The following ARHGEF1 variants were observed in gnomAD, a reference collection of about 807,000 sequenced individuals.
ARHGEF1 encodes Rho guanine nucleotide exchange factor 1.
ARHGEF1 carries 40 observed loss-of-function variants against 119.7 expected under a neutral mutation model. That is an observed-to-expected ratio of 0.33 (90% confidence interval 0.26 to 0.44). ARHGEF1 has a LOEUF of 0.44. Among genes scored for constraint, ARHGEF1 ranks in the 20% least tolerant of loss-of-function variants. The pLI is 1.00. For synonymous variants in ARHGEF1, 494 were observed against 521.0 expected (o/e 0.95, Z 0.71); for missense variants, 976 against 1,268.3 (o/e 0.77, Z 3.50).
Position 41,896,828 on chromosome 19 carries a change from C to CCCTCCTCTCT in ARHGEF1, c.1121+347_1121+348insCTCCTCTCTC. ...CCTCCCCTCTCCTCTCTCACCTCCC[C>CCCTCCTCTCT]CATCCTCTCTCACCTCCCCCCTCCT... On this transcript the variant is annotated intron_variant, in intron 13 of 28. Transcript: ENST00000354532. 6.7e-5 allele frequency: 24 copies of CCCTCCTCTCT among 357,170 alleles called. 1 individual carries two copies. Among genetic ancestry groups the CCCTCCTCTCT allele is most frequent in the African/African-American group, 5.3e-4 (14 of 26,406 alleles). The allele number at this position is 357,170 out of a possible 1,614,324, so 22.1% of individuals were successfully genotyped here. A position where few individuals can be genotyped will look rare whatever the true frequency, so the allele number is the denominator to read the frequency against.
chr19:41,923,251 C>A (rs996153610), intron 1 of ARHGEF1: 3 of 449,020 alleles, frequency 6.7e-6, no homozygotes, highest in African/African-American at 6.0e-5. Context: ...TGACTCTAGG[C>A]CCCCGATATT....
intron 1 of ARHGEF1, among the ~76,000 whole-genome samples, chr19:41,886,986 T>C (rs1409549163): frequency 1.3e-5 from 2 of 151,904 alleles, no homozygotes; most frequent in Admixed American, 1.3e-4. Context: ...AAGTGGAGAC[T>C]CAAGGAGAGA....
At chr19:41,920,126 C>CAG (rs1555852321), upstream of ARHGEF1, among the ~76,000 whole-genome samples, 1 of 108,262 alleles carries the variant, frequency 9.2e-6, no homozygotes. Flanking sequence ...GACACGCTCA[C>CAG]ACATGCGCTC....
chr19:41,926,151 G>A (rs1318809985), intron 1 of ARHGEF1, among the ~76,000 whole-genome samples: 2 of 152,032 alleles, frequency 1.3e-5, no homozygotes, highest in African/African-American at 4.8e-5. Flanking sequence ...AAAATGCAGG[G>A]ATTCCAGTGG....
chr19:41,899,905 C>T (rs1446686169), intron 14 of ARHGEF1, among the ~76,000 whole-genome samples: 3 of 145,772 alleles, frequency 2.1e-5, no homozygotes, highest in Admixed American at 1.3e-4. Context: ...GTCACAGATC[C>T]TTCTAAGGAC....
chr19:41,893,202 G>A (rs202168122), intron 7 of ARHGEF1, 72 bp from the exon 8 acceptor site: 1 of 1,598,352 alleles, frequency 6.3e-7, no homozygotes, highest in Non-Finnish European at 8.6e-7. Flanking sequence ...CAGCAACCCT[G>A]AGATGTATCC....
intron 18 of ARHGEF1, among the ~76,000 whole-genome samples, chr19:41,914,817 C>CATCTCT (rs1568832338): frequency 4.4e-5 from 1 of 22,972 alleles, no homozygotes; most frequent in Non-Finnish European, 1.0e-4. Flanking sequence ...CCCCCTCCAC[C>CATCTCT]GTGTCTCCCC....
intron 12 of ARHGEF1, 30 bp downstream of exon 12, chr19:41,895,516 A>G (rs1555847407): frequency 6.4e-7 from 1 of 1,563,728 alleles, no homozygotes. Flanking sequence ...GGGCTCCATG[A>G]GGCCCGGCGA....
rs782619183 is a variant in ARHGEF1, at chr19:41,906,689, C to G, written c.2656-14C>G. The G allele has an allele frequency of 1.2e-6, 2 of 1,605,584 alleles. No homozygotes were observed. Among genetic ancestry groups the G allele is most frequent in the South Asian group, 1.1e-5 (1 of 90,292 alleles). On this transcript the variant is annotated splice_polypyrimidine_tract_variant and intron_variant, in intron 27 of 28. Coordinates refer to ENST00000354532, the MANE Select transcript of ARHGEF1 (RefSeq NM_004706.4). The surrounding 1 kb of genome is among the most constrained non-coding windows in gnomAD (Gnocchi z 4.5). ...GGAAGGGGCCCCCCTCATCCATGACCCCCACCCCACCAGGAGTTGGAGGAG... is the reference window on the plus strand; with the variant it reads ...GGAAGGGGCCCCCCTCATCCATGACGCCCACCCCACCAGGAGTTGGAGGAG...
In ARHGEF1 at chr19:41,894,554, C is replaced by T. The variant is rs782132873; in HGVS notation, c.841+7C>T. 9.3e-6 allele frequency: 15 copies of T among 1,613,332 alleles called. No individual in the cohort carries two copies. The highest frequency in any genetic ancestry group is 5.0e-5 in the Admixed American group (3 of 59,960). Reference sequence around the variant, plus strand: ...AACCGGGGAGAGCCCCAGGGTAAGGCGGCTCTGGCCTCTGCCCTCCCCTGT... The same window carrying T: ...AACCGGGGAGAGCCCCAGGGTAAGGTGGCTCTGGCCTCTGCCCTCCCCTGT... On this transcript the variant is annotated splice_region_variant and intron_variant, in intron 10 of 28. Transcript: ENST00000354532.
In ARHGEF1 at chr19:41,893,813, AGGGGGCTGGGGGCCTGG is replaced by A. The variant is rs1555846825; in HGVS notation, c.645-393_645-377del. ...TCTGGACTCCTGGGTCTGAGGGAGGAGGGGGCTGGGGGCCTGGACTCCTGGGTCTGAGGGAGGAAGGG... is the reference window on the plus strand; with the variant it reads ...TCTGGACTCCTGGGTCTGAGGGAGGAACTCCTGGGTCTGAGGGAGGAAGGG... On this transcript the variant is annotated intron_variant, in intron 8 of 28. Transcript: ENST00000354532. 1.0e-2 allele frequency among the ~76,000 whole-genome samples: 364 copies of A among 36,418 alleles called. 91 individuals carry two copies. In the African/African-American group the frequency reaches 0.14, roughly 14 times the overall value. The allele number at this position is 36,418 out of a possible 152,430, so 23.9% of individuals were successfully genotyped here. A position where few individuals can be genotyped will look rare whatever the true frequency, so the allele number is the denominator to read the frequency against.
rs1160648673 is a variant in ARHGEF1 at position 41,928,487 on chromosome 19, GCTCCTCCTC to G, written c.141-337_141-329del. ...TTCTCCTCTTCCTCCTCTTCCTCCT[GCTCCTCCTC>G]CTCCTCGTTCTCCTCCTCCTCCCTC... On this transcript the variant is annotated intron_variant, in intron 1 of 2. Coordinates refer to the ARHGEF1 transcript ENST00000594417. 14 of 155,070 alleles carry G rather than the reference GCTCCTCCTC, an allele frequency of 9.0e-5. 1 individual carries two copies. Among genetic ancestry groups the G allele is most frequent in the Non-Finnish European group, 2.0e-4 (14 of 70,304 alleles). The allele number at this position is 155,070 out of a possible 1,614,324, so 9.6% of individuals were successfully genotyped here.
intron 1 of ARHGEF1, among the ~76,000 whole-genome samples, chr19:41,885,755 T>C (rs1450833911): frequency 1.3e-5 from 2 of 150,720 alleles, no homozygotes; most frequent in African/African-American, 4.9e-5. Flanking sequence ...CCACCGTGCC[T>C]AGCCTATTTT....
rs1419041347 is a variant in ARHGEF1 at position 41,928,957 on chromosome 19, GATACACGGAC to G, written c.269_278del (p.Tyr91GlufsTer78). ...CCGCACACACGCAGCCTGGATAGGA[GATACACGGAC>G]AGAGGGACATATGGATACAGTAAGA... On this transcript the variant is annotated frameshift_variant, in exon 2 of 3. Transcript: ENST00000594417. LOFTEE classifies it high-confidence loss of function. 2.2e-6 allele frequency: 1 copy of G among 455,704 alleles called. No homozygotes were observed. The highest frequency in any genetic ancestry group is 4.4e-6 in the Non-Finnish European group (1 of 226,512). 28.2% of individuals were successfully genotyped at this position (455,704 alleles called of 1,614,324 possible). A position where few individuals can be genotyped will look rare whatever the true frequency, so the allele number is the denominator to read the frequency against.
At chr19:41,887,222 G>A (rs2074307146) in intron 1 of ARHGEF1, among the ~76,000 whole-genome samples, 1 of 152,072 alleles carries the variant, frequency 6.6e-6, no homozygotes, top group South Asian at 2.1e-4. Context: ...AGGGATGGTG[G>A]GGAAAATGAG....
At chr19:41,911,200 C>CT (rs2074749451), downstream of ARHGEF1, among the ~76,000 whole-genome samples, 1 of 152,152 alleles carries the variant, frequency 6.6e-6, no homozygotes, top group East Asian at 1.9e-4. Context: ...ACTCCACTGT[C>CT]CACATACCCC....
In ARHGEF1 at chr19:41,903,850, G is replaced by A; in HGVS notation, c.1917+66G>A. 6.5e-7 allele frequency: 1 copy of A among 1,536,830 alleles called. No homozygotes were observed. The highest frequency in any genetic ancestry group is 9.0e-7 in the Non-Finnish European group (1 of 1,114,556). ...TTGGCCCAGGGGATTCTGTGATACA[G>A]CCCCCAGCCTGTCCTGCCCATCCCA... On this transcript the variant is annotated intron_variant, in intron 20 of 28. Transcript: ENST00000354532. The surrounding 1 kb of genome is among the most constrained non-coding windows in gnomAD (Gnocchi z 4.2).
chr19:41,885,856 G>T (rs1436326730), intron 1 of ARHGEF1, among the ~76,000 whole-genome samples: 1 of 152,146 alleles, frequency 6.6e-6, no homozygotes, highest in African/African-American at 2.4e-5. Flanking sequence ...GGGCTCAGGC[G>T]ATCCTCTCAT....
At chr19:41,899,505 CTTTT>C (rs575816890) in intron 14 of ARHGEF1, among the ~76,000 whole-genome samples, 5 of 101,732 alleles carry the variant, frequency 4.9e-5, no homozygotes, top group Admixed American at 9.6e-5. Flanking sequence ...AAAGAGAAAG[CTTTT>C]TTTTTTTTTT....
Sources: allele counts gnomAD v4.1 joint callset (sites outside exome capture counted in the v4.1 genomes callset), GRCh38; gene constraint gnomAD v4.1.1; non-coding constraint Gnocchi (gnomAD v3.1); transcripts MANE v1.5; gene names NCBI Gene and HGNC (gene_info 2026-07-23, HGNC 2026-07-21).